Variants in PAK6 observed in about 807,000 individuals in gnomAD.
PAK6 encodes p21 (RAC1) activated kinase 6.
A neutral mutation model predicts 60.8 loss-of-function variants in PAK6; 33 were observed. The ratio of observed to expected loss-of-function variants is 0.54; its 90% CI spans 0.41 to 0.73. The LOEUF is 0.73. Among genes scored for constraint, PAK6 ranks in the 30% least tolerant of loss-of-function variants. The pLI, the probability that PAK6 is intolerant of heterozygous loss-of-function variation, is 0.00. For synonymous variants in PAK6, 404 were observed against 378.5 expected (o/e 1.07, Z -0.78); for missense variants, 845 against 904.1 (o/e 0.93, Z 0.84).
rs1566860191 is a variant in PAK6, at chr15:40,276,056, CT to C, written c.2009del (p.Leu670ArgfsTer50). ...AGGGCTACCTGAGTGCCTGGTGCCC[CT>C]GATCCAGCTCTACCGAAAGCAGACC... On this transcript the variant is annotated frameshift_variant, in exon 11 of 11. Coordinates refer to ENST00000560346, the Ensembl canonical transcript of PAK6. LOFTEE classifies it high-confidence loss of function. 2.5e-6 allele frequency: 4 copies of C among 1,613,788 alleles called. No homozygotes were observed. Among genetic ancestry groups the C allele is most frequent in the African/African-American group, 2.7e-5 (2 of 74,890 alleles).
chr15:40,276,031 AG>A lies in PAK6; in HGVS notation c.1986del (p.Leu663TyrfsTer8). 6.2e-7 allele frequency: 1 copy of A among 1,613,708 alleles called. No homozygotes were observed. The highest frequency in any genetic ancestry group is 8.5e-7 in the Non-Finnish European group (1 of 1,179,958). ...TAGACCACCCCTTCCTGCTGCAGAC[AG>A]GGCTACCTGAGTGCCTGGTGCCCCT... On this transcript the variant is annotated frameshift_variant, in exon 11 of 11. Coordinates refer to ENST00000560346, the Ensembl canonical transcript of PAK6. LOFTEE classifies it high-confidence loss of function.
At chr15:40,249,072 G>C (rs2038584094) in intron 2 of PAK6, among the ~76,000 whole-genome samples, 1 of 152,188 alleles carries the variant, frequency 6.6e-6, no homozygotes, top group Non-Finnish European at 1.5e-5. Context: ...GGCAGATCCG[G>C]TGTCTGGTGA....
chr15:40,265,819 ACTC>A lies in PAK6; in HGVS notation c.205-22_205-20del. 6.7e-7 allele frequency: 1 copy of A among 1,501,244 alleles called. No homozygotes were observed. Among genetic ancestry groups the A allele is most frequent in the Middle Eastern group, 1.8e-4 (1 of 5,552 alleles). The allele number at this position is 1,501,244 out of a possible 1,614,324, so 93.0% of individuals were successfully genotyped here. On this transcript the variant is annotated intron_variant, in intron 4 of 10. Coordinates refer to ENST00000560346, the Ensembl canonical transcript of PAK6. ...TGCCACAATTGGGCAGCTCCCACACACTCTTTTCTCTTCCCCCTACAGACAGTG... is the reference window on the plus strand; with the variant it reads ...TGCCACAATTGGGCAGCTCCCACACATTTTCTCTTCCCCCTACAGACAGTG...
At chr15:40,263,530 A>ACTT (rs1250878648) in intron 3 of PAK6, among the ~76,000 whole-genome samples, 3 of 152,138 alleles carry the variant, frequency 2.0e-5, no homozygotes, top group Non-Finnish European at 4.4e-5. Flanking sequence ...AGCCTGTGTC[A>ACTT]CTTCTGTGTA....
intron 5 of PAK6, among the ~76,000 whole-genome samples, chr15:40,270,952 G>A (rs996858682): frequency 1.3e-5 from 2 of 152,198 alleles, no homozygotes; most frequent in African/African-American, 4.8e-5. Flanking sequence ...CTCTGGTGGG[G>A]CCCAAGGCCC....
At chr15:40,272,114 C>A in intron 5 of PAK6, 110 bp from the exon 6 acceptor site, 1 of 1,240,480 alleles carries the variant, frequency 8.1e-7, no homozygotes, top group Non-Finnish European at 1.1e-6. Context: ...TCTGATACCC[C>A]GCCTGACCCT....
At position 40,265,004 on chromosome 15, in the gene PAK6, C is replaced by G; in HGVS notation, c.204+15C>G. 6.2e-7 allele frequency: 1 copy of G among 1,609,252 alleles called. No homozygotes were observed. Among genetic ancestry groups the G allele is most frequent in the Admixed American group, 1.7e-5 (1 of 59,760 alleles). On this transcript the variant is annotated intron_variant, in intron 4 of 10. Transcript: ENST00000560346. ...AGCCCATGAAGGTAAGAGGGGCCGG[C>G]AGGGATGAGGTTCAGCCTCTCCCAG... is the stretch of plus-strand genomic sequence containing the variant.
At chr15:40,263,023 GA>G in intron 3 of PAK6, among the ~76,000 whole-genome samples, 1 of 152,204 alleles carries the variant, frequency 6.6e-6, no homozygotes, top group East Asian at 1.9e-4. Context: ...TCAAGACCCA[GA>G]AGCATGGCTG....
intron 2 of PAK6, among the ~76,000 whole-genome samples, chr15:40,240,997 G>A (rs1484151655): frequency 6.6e-6 from 1 of 152,134 alleles, no homozygotes; most frequent in East Asian, 1.9e-4. Context: ...CCACCTCTGG[G>A]ACATTTCCCT....
intron 2 of PAK6, chr15:40,245,372 T>TGCAGCA (rs755803305): frequency 1.3e-5 from 2 of 152,352 alleles, no homozygotes; most frequent in African/African-American, 4.8e-5. Context: ...TCCTAAAGGC[T>TGCAGCA]GCAGCAGCAG....
At chr15:40,247,793 A>T (rs2038536237) in intron 2 of PAK6, among the ~76,000 whole-genome samples, 1 of 152,178 alleles carries the variant, frequency 6.6e-6, no homozygotes, top group Non-Finnish European at 1.5e-5. Flanking sequence ...CGGGGTGAAC[A>T]GACCTGTTGG....
intron 2 of PAK6, chr15:40,252,643 C>T (rs767970171): frequency 1.7e-5 from 22 of 1,330,758 alleles, no homozygotes; most frequent in Non-Finnish European, 2.1e-5. Flanking sequence ...GGAGGGCGGG[C>T]CCGGCTCCCA....
At chr15:40,276,111 C>T (rs777964096) in exon 11 of PAK6, 1 of 1,610,934 alleles carries the variant, frequency 6.2e-7, no homozygotes, top group Non-Finnish European at 8.5e-7. Flanking sequence ...CCCAAGTATG[C>T]CTGCCACCTA....
intron 2 of PAK6, among the ~76,000 whole-genome samples, chr15:40,250,185 AGAG>A (rs2038624278): frequency 1.3e-5 from 2 of 152,242 alleles, no homozygotes; most frequent in Non-Finnish European, 2.9e-5. Flanking sequence ...GGCACGGATC[AGAG>A]GAGAATAGAG....
At chr15:40,259,568 C>A (rs2038928546) in intron 3 of PAK6, 1 of 152,090 alleles carries the variant, frequency 6.6e-6, no homozygotes, top group Non-Finnish European at 1.5e-5. Context: ...GGGTGGATCA[C>A]CTGAGGTCAG....
chr15:40,276,643 C>G (rs1192668263), exon 11 of PAK6: 1 of 153,016 alleles, frequency 6.5e-6, no homozygotes, highest in East Asian at 1.9e-4. Context: ...ATGGCCTGCT[C>G]CAGGCCATGG....
rs780037116 is a variant in PAK6, at chr15:40,273,959, T to A, written c.1744-183T>A. 3.6e-5 allele frequency: 26 copies of A among 725,172 alleles called. 1 individual carries two copies. Among genetic ancestry groups the A allele is most frequent in the Non-Finnish European group, 5.6e-5 (24 of 431,350 alleles). The allele number at this position is 725,172 out of a possible 1,614,324, so 44.9% of individuals were successfully genotyped here. The stretch of plus-strand genomic sequence containing the variant: ...TGAGTGACTGACAGCTGTGTCCCTA[T>A]AGGCAGTGGTCACTCATGCAGGCAG... On this transcript the variant is annotated intron_variant, in intron 9 of 10. Coordinates refer to ENST00000560346, the Ensembl canonical transcript of PAK6.
chr15:40,248,485 C>A (rs1445255293), intron 2 of PAK6, among the ~76,000 whole-genome samples: 1 of 152,228 alleles, frequency 6.6e-6, no homozygotes, highest in Admixed American at 6.5e-5. Flanking sequence ...GTGCCCCCAC[C>A]TCCCCGGCAG....
intron 2 of PAK6, chr15:40,251,274 A>G (rs1284289544): frequency 6.6e-6 from 1 of 152,260 alleles, no homozygotes; most frequent in East Asian, 1.9e-4. Context: ...CACAGCACAG[A>G]GGGCCAGCAT....
Sources: gnomAD v4.1 joint callset for allele counts (sites outside exome capture counted in the v4.1 genomes callset) on GRCh38, gnomAD v4.1.1 for gene constraint, MANE v1.5 for transcripts, NCBI Gene and HGNC (gene_info 2026-07-23, HGNC 2026-07-21) for gene names.